The following PTPRN2 variants were observed in gnomAD, a reference collection of about 807,000 sequenced individuals.
PTPRN2 encodes protein tyrosine phosphatase receptor type N2, also known as receptor-type tyrosine-protein phosphatase N2.
A neutral mutation model predicts 118.8 loss-of-function variants in PTPRN2; 74 were observed. The ratio of observed to expected loss-of-function variants is 0.62; its 90% CI spans 0.52 to 0.76. PTPRN2 has a LOEUF of 0.76. PTPRN2 is among the 30% of genes least tolerant of loss of function. The probability of loss-of-function intolerance (pLI) is 0.00; values close to 1 mark genes in which losing one functional copy is unlikely to be tolerated. For missense variants in PTPRN2, 1,481 were observed against 1,394.4 expected, an observed-to-expected ratio of 1.06 and a Z score of -0.99; for synonymous variants, 641 against 608.0, an observed-to-expected ratio of 1.05 and a Z score of -0.80.
chr7:157,955,940 G>T (rs1801158208), intron 11 of PTPRN2, among the ~76,000 whole-genome samples: 1 of 152,194 alleles, frequency 6.6e-6, no homozygotes, highest in African/African-American at 2.4e-5. Context: ...AGAGTCAGAG[G>T]TTGGAAGGAA....
At chr7:158,429,834 C>T (rs1293606263) in intron 2 of PTPRN2, among the ~76,000 whole-genome samples, 2 of 152,240 alleles carry the variant, frequency 1.3e-5, no homozygotes, top group African/African-American at 4.8e-5. Flanking sequence ...GTCCAAATCT[C>T]CAAACAAAAG....
intron 2 of PTPRN2, among the ~76,000 whole-genome samples, chr7:158,378,717 C>T (rs1810736269): frequency 1.3e-5 from 2 of 151,256 alleles, no homozygotes; most frequent in South Asian, 4.1e-4. Context: ...ACATCCAACT[C>T]AGTTGCTTTC....
intron 3 of PTPRN2, among the ~76,000 whole-genome samples, chr7:158,233,820 G>A (rs909968185): frequency 5.3e-5 from 8 of 152,050 alleles, no homozygotes; most frequent in African/African-American, 1.7e-4. Flanking sequence ...AAATTCACAC[G>A]TTTATAACCA....
chr7:157,586,666 A>G (rs1418754455), intron 17 of PTPRN2, among the ~76,000 whole-genome samples: 2 of 151,576 alleles, frequency 1.3e-5, no homozygotes, highest in Non-Finnish European at 2.9e-5. Context: ...CTGGAGACTC[A>G]GGGCCCCCTG....
At position 157,727,277 on chromosome 7, in the gene PTPRN2, T is replaced by C. The variant is rs1425128310; in HGVS notation, c.1789-44340A>G. On this transcript the variant is annotated intron_variant, in intron 12 of 22. Transcript: ENST00000389418. ...GGAGCAAAATGTGGTCCATCCACAC[T>C]GACAGATGTCACCAGCCCTAAGAGG... Among the ~76,000 whole-genome samples the C allele has an allele frequency of 3.3e-5, 5 of 152,204 alleles. No homozygotes were observed. The East Asian group carries it at 9.6e-4, about 29-fold the overall frequency.
chr7:157,670,753 C>G (rs74657492), intron 13 of PTPRN2, among the ~76,000 whole-genome samples: 1 of 152,336 alleles, frequency 6.6e-6, no homozygotes, highest in African/African-American at 2.4e-5. Flanking sequence ...AGATCCAACA[C>G]GACCTCTGTG....
chr7:157,790,403 C>G (rs1326953364), intron 12 of PTPRN2, among the ~76,000 whole-genome samples: 2 of 151,940 alleles, frequency 1.3e-5, no homozygotes, highest in African/African-American at 2.4e-5. Context: ...AACTGTCAAG[C>G]AATCTGGGGG....
chr7:158,018,596 C>T (rs1177012802), intron 11 of PTPRN2, among the ~76,000 whole-genome samples: 3 of 152,144 alleles, frequency 2.0e-5, no homozygotes. Context: ...CAGTGGCTGC[C>T]TCGGTGTACT....
rs1055405913 is a variant in PTPRN2, at chr7:157,598,424, C to T, written c.2419-3109G>A. ...GAGCTCAGGGAGTGAGGAGCTTGGA[C>T]GTCGGCGTCTCCGGGCCTCAGTCTC... is the stretch of plus-strand genomic sequence containing the variant. On this transcript the variant is annotated intron_variant, in intron 16 of 22. Coordinates refer to ENST00000389418, the MANE Select transcript of PTPRN2 (RefSeq NM_002847.5). This position sits in a 1 kb window ranked among gnomAD's most constrained non-coding sequence, Gnocchi z 5.2. 2.0e-5 allele frequency among the ~76,000 whole-genome samples: 3 copies of T among 149,450 alleles called. No homozygotes were observed. The highest frequency in any genetic ancestry group is 3.0e-5 in the Non-Finnish European group (2 of 67,280).
At chr7:158,169,362 C>T (rs1158848250) in intron 5 of PTPRN2, among the ~76,000 whole-genome samples, 1 of 151,562 alleles carries the variant, frequency 6.6e-6, no homozygotes, top group Non-Finnish European at 1.5e-5. Flanking sequence ...TATGTCTCTG[C>T]CTCCCAAGTA....
At chr7:157,748,580 TCTGGGTGATTC>T (rs1801202525) in intron 12 of PTPRN2, among the ~76,000 whole-genome samples, 1 of 148,324 alleles carries the variant, frequency 6.7e-6, no homozygotes, top group African/African-American at 2.5e-5. Context: ...CTCTGGGGTG[TCTGGGTGATTC>T]TGAGGTCTGC....
At chr7:157,927,479 A>G (rs113356797) in intron 11 of PTPRN2, among the ~76,000 whole-genome samples, 2 of 66,448 alleles carry the variant, frequency 3.0e-5, no homozygotes, top group Admixed American at 2.0e-4. Flanking sequence ...GAGAACAGAG[A>G]CCTCACATCT....
chr7:157,547,584 C>T (rs1267980971), intron 22 of PTPRN2, among the ~76,000 whole-genome samples: 2 of 152,088 alleles, frequency 1.3e-5, no homozygotes, highest in African/African-American at 4.8e-5. Context: ...CCTCGCAACA[C>T]ATGCCGAATG....
At chr7:158,089,908 T>C (rs60699201) in intron 10 of PTPRN2, among the ~76,000 whole-genome samples, 3,391 of 11,494 alleles carry the variant, frequency 0.3, 928 homozygotes, top group Middle Eastern at 0.5. Flanking sequence ...CACACAAACC[T>C]GTCTTCCCCT....
intron 2 of PTPRN2, among the ~76,000 whole-genome samples, chr7:158,337,708 G>A (rs1463097193): frequency 6.7e-6 from 1 of 150,004 alleles, no homozygotes; most frequent in Admixed American, 6.6e-5. Flanking sequence ...CTCACCATAA[G>A]AGCTGACGCC....
In PTPRN2 at chr7:158,093,223, AC is replaced by A. The variant is rs35772981; in HGVS notation, c.1644-11847del. ...CTTTCCTGACTCTGCCGCTGGACCGACCCCCCACACTGTAGACCCACACGCA... is the reference window on the plus strand; with the variant it reads ...CTTTCCTGACTCTGCCGCTGGACCGACCCCCACACTGTAGACCCACACGCA... On this transcript the variant is annotated intron_variant, in intron 10 of 22. Transcript: ENST00000389418. The surrounding 1 kb of genome is among the most constrained non-coding windows in gnomAD (Gnocchi z 4.4). Among the ~76,000 whole-genome samples the A allele has an allele frequency of 0.26, 3,561 of 13,872 alleles. 917 individuals carry two copies. Among genetic ancestry groups the A allele is most frequent in the Middle Eastern group, 0.8 (8 of 10 alleles). The allele number at this position is 13,872 out of a possible 152,430, so 9.1% of individuals were successfully genotyped here. A position where few individuals can be genotyped will look rare whatever the true frequency, so the allele number is the denominator to read the frequency against.
chr7:158,345,271 C>G (rs1807418918), intron 2 of PTPRN2, among the ~76,000 whole-genome samples: 1 of 152,184 alleles, frequency 6.6e-6, no homozygotes, highest in Non-Finnish European at 1.5e-5. Flanking sequence ...AACTGCCTGT[C>G]TCCTGGCCAA....
Position 158,205,176 on chromosome 7 carries a change from T to G in PTPRN2, c.375A>C (p.Pro125=). The part of the protein sequence containing the change: ...TYLRRPEASS[P]ARPSKHSVGS... Reference sequence around the variant, plus strand: ...CAAGCCACGTCCACACTTACCTGGCTGGGCTGGATGCTTCAGGACGCCTCA... The same window carrying G: ...CAAGCCACGTCCACACTTACCTGGCGGGGCTGGATGCTTCAGGACGCCTCA... Residue 125 remains proline (P), a synonymous_variant, in exon 4 of 23, where the codon CCA becomes CCC. Transcript: ENST00000389418. 6.2e-7 allele frequency: 1 copy of G among 1,613,272 alleles called. No homozygotes were observed. The highest frequency in any genetic ancestry group is 1.1e-5 in the South Asian group (1 of 91,064).
At chr7:157,911,776 T>C (rs1798119887) in intron 11 of PTPRN2, among the ~76,000 whole-genome samples, 1 of 152,232 alleles carries the variant, frequency 6.6e-6, no homozygotes, top group Non-Finnish European at 1.5e-5. Context: ...GTAGACTTTT[T>C]TTTTCACCTA....
Sources: gnomAD v4.1 joint callset for allele counts (sites outside exome capture counted in the v4.1 genomes callset) on GRCh38, gnomAD v4.1.1 for gene constraint, Gnocchi (gnomAD v3.1) non-coding constraint, MANE v1.5 for transcripts, NCBI Gene and HGNC (gene_info 2026-07-23, HGNC 2026-07-21) for gene names.